The following ADAMTSL1 variants were observed in gnomAD, a reference collection of about 807,000 sequenced individuals.
The protein encoded by ADAMTSL1 is ADAMTS like 1.
Under a neutral mutation model 201.8 loss-of-function variants are expected in ADAMTSL1, and 126 were observed. That is an observed-to-expected ratio of 0.62 (90% CI 0.54 to 0.72). The LOEUF is 0.72. Ranked by LOEUF, ADAMTSL1 falls within the 30% of genes least tolerant of loss-of-function variation. ADAMTSL1 has a pLI of 0.00. For missense variants in ADAMTSL1, 2,679 were observed against 2,277.8 expected (o/e 1.18, Z -3.59); for synonymous variants, 1,121 against 903.4 (o/e 1.24, Z -4.32).
chr9:18,463,458 T>C (rs1820883973), intron 2 of ADAMTSL1, among the ~76,000 whole-genome samples: 1 of 152,208 alleles, frequency 6.6e-6, no homozygotes, highest in Non-Finnish European at 1.5e-5. Flanking sequence ...ATTCACATTA[T>C]TGTGCAGCCA....
intron 4 of ADAMTSL1, among the ~76,000 whole-genome samples, chr9:18,612,385 G>A (rs1025955095): frequency 6.6e-6 from 1 of 152,108 alleles, no homozygotes; most frequent in East Asian, 1.9e-4. Flanking sequence ...CTTTGAAATC[G>A]CAATATATCC....
intron 16 of ADAMTSL1, among the ~76,000 whole-genome samples, chr9:18,757,566 C>T (rs1819845454): frequency 6.6e-6 from 1 of 152,090 alleles, no homozygotes; most frequent in Admixed American, 6.6e-5. Flanking sequence ...ATGGCTCTCC[C>T]ATCCCTGCTT....
At chr9:17,934,536 C>T (rs887874687) in intron 1 of ADAMTSL1, among the ~76,000 whole-genome samples, 9 of 152,086 alleles carry the variant, frequency 5.9e-5, no homozygotes, top group Non-Finnish European at 1.2e-4. Context: ...GACCACTGTC[C>T]TCAAGTGGGT....
chr9:18,684,673 G>T (rs1475406145), intron 12 of ADAMTSL1, 43 bp from the exon 13 acceptor site: 1 of 1,597,330 alleles, frequency 6.3e-7, no homozygotes, highest in Non-Finnish European at 8.5e-7. Context: ...TCCCAGATTG[G>T]TTCTAACCTC....
intron 7 of ADAMTSL1, among the ~76,000 whole-genome samples, chr9:18,642,890 G>A (rs902778977): frequency 1.3e-5 from 2 of 152,034 alleles, no homozygotes; most frequent in African/African-American, 2.4e-5. Flanking sequence ...CAGTGAACAC[G>A]AGAGTGTAGA....
intron 1 of ADAMTSL1, among the ~76,000 whole-genome samples, chr9:17,978,884 C>T (rs1422782597): frequency 2.0e-5 from 3 of 151,746 alleles, no homozygotes; most frequent in African/African-American, 7.3e-5. Flanking sequence ...TCCTTCAGTT[C>T]TTGTTTGTCT....
intron 3 of ADAMTSL1, among the ~76,000 whole-genome samples, chr9:18,547,875 T>A (rs1056194920): frequency 6.6e-6 from 1 of 151,446 alleles, no homozygotes; most frequent in Non-Finnish European, 1.5e-5. Flanking sequence ...ATGGAGATAA[T>A]CATAAAACCA....
At chr9:18,157,758 T>C (rs906515312) in intron 1 of ADAMTSL1, among the ~76,000 whole-genome samples, 10 of 152,032 alleles carry the variant, frequency 6.6e-5, no homozygotes, top group African/African-American at 9.7e-5. Context: ...GGGTTAAATA[T>C]GGTTATAAGA....
chr9:18,636,375 C>T (rs1827114684), intron 6 of ADAMTSL1, among the ~76,000 whole-genome samples: 1 of 152,052 alleles, frequency 6.6e-6, no homozygotes, highest in South Asian at 2.1e-4. Flanking sequence ...TTTCTTCTAA[C>T]CCACTTCTCT....
At chr9:18,645,304 G>A (rs1485754032) in intron 7 of ADAMTSL1, among the ~76,000 whole-genome samples, 2 of 152,168 alleles carry the variant, frequency 1.3e-5, no homozygotes, top group African/African-American at 2.4e-5. Flanking sequence ...TGTCAGATGA[G>A]TAGATTGTTA....
intron 1 of ADAMTSL1, among the ~76,000 whole-genome samples, chr9:18,060,952 T>A (rs1822423515): frequency 6.6e-6 from 1 of 152,224 alleles, no homozygotes; most frequent in Non-Finnish European, 1.5e-5. Flanking sequence ...TACTATGTCA[T>A]ATAACTAGAA....
At chr9:18,420,661 G>C (rs1818903372) in intron 2 of ADAMTSL1, among the ~76,000 whole-genome samples, 3 of 152,182 alleles carry the variant, frequency 2.0e-5, no homozygotes, top group Non-Finnish European at 4.4e-5. Context: ...CAGGGGACCT[G>C]TTGAGCAGGA....
At chr9:18,473,109 C>T (rs1442403688), upstream of ADAMTSL1, among the ~76,000 whole-genome samples, 1 of 152,158 alleles carries the variant, frequency 6.6e-6, no homozygotes, top group Admixed American at 6.6e-5. Flanking sequence ...CCATCCAACC[C>T]TCTTGCAATA....
chr9:18,612,596 C>G (rs554373167), intron 4 of ADAMTSL1, among the ~76,000 whole-genome samples: 2 of 152,102 alleles, frequency 1.3e-5, no homozygotes, highest in South Asian at 2.1e-4. Flanking sequence ...ACTGTCTGGT[C>G]TTTGACAAAA....
chr9:18,613,898 T>G (rs1388559081), intron 4 of ADAMTSL1, among the ~76,000 whole-genome samples: 5 of 152,098 alleles, frequency 3.3e-5, no homozygotes, highest in African/African-American at 1.2e-4. Context: ...AGTTAAAAAT[T>G]AAATATTATG....
At chr9:18,706,598 G>C (rs1832246080) in intron 13 of ADAMTSL1, 149 bp from the exon 14 acceptor site, 6 of 738,318 alleles carry the variant, frequency 8.1e-6, no homozygotes, top group Non-Finnish European at 1.3e-5. Context: ...CTAAACTGAA[G>C]CGCCATCACA....
chr9:17,998,367 G>C (rs1432297402), intron 1 of ADAMTSL1, among the ~76,000 whole-genome samples: 1 of 151,954 alleles, frequency 6.6e-6, no homozygotes, highest in Non-Finnish European at 1.5e-5. Context: ...TATGGGGCTG[G>C]GAGGCAGAGC....
intron 21 of ADAMTSL1, among the ~76,000 whole-genome samples, chr9:18,822,623 A>G (rs1189565183): frequency 2.0e-5 from 3 of 152,090 alleles, no homozygotes; most frequent in Non-Finnish European, 2.9e-5. Flanking sequence ...TAATGATGTA[A>G]TCGTTCAGGC....
chr9:18,145,409 T>C (rs1441285925), intron 1 of ADAMTSL1, among the ~76,000 whole-genome samples: 4 of 152,192 alleles, frequency 2.6e-5, no homozygotes, highest in Non-Finnish European at 5.9e-5. Context: ...TAACTCCTAG[T>C]GCTTTACAAA....
Sources: gnomAD v4.1 joint callset for allele counts (sites outside exome capture counted in the v4.1 genomes callset) on GRCh38, gnomAD v4.1.1 for gene constraint, MANE v1.5 for transcripts, NCBI Gene and HGNC (gene_info 2026-07-23, HGNC 2026-07-21) for gene names.